The following SAMD3 variants were observed in gnomAD, a reference collection of about 807,000 sequenced individuals.
SAMD3 encodes the protein sterile alpha motif domain containing 3.
Under a neutral mutation model 58.5 loss-of-function variants are expected in SAMD3, and 63 were observed. That is an observed-to-expected ratio of 1.08 (90% CI 0.88 to 1.33). The LOEUF (loss-of-function observed/expected upper bound fraction) is 1.33, where lower values mean the gene tolerates loss of function less well. Among genes scored for constraint, SAMD3 ranks in the 40% most tolerant of loss-of-function variants. The pLI is 0.00. For missense variants in SAMD3, 604 were observed against 608.4 expected (o/e 0.99, Z 0.08); for synonymous variants, 220 against 210.3 (o/e 1.05, Z -0.40).
intron 2 of SAMD3, among the ~76,000 whole-genome samples, chr6:130,276,743 G>T (rs763620788): frequency 6.6e-6 from 1 of 152,002 alleles, no homozygotes; most frequent in Non-Finnish European, 1.5e-5. Flanking sequence ...ATTAATGCAG[G>T]GTTAGCCAAG....
rs1003507592 is a variant in SAMD3 at position 130,287,816 on chromosome 6, G to A, written c.-188+25162C>T. 2.4e-4 allele frequency among the ~76,000 whole-genome samples: 36 copies of A among 152,128 alleles called. 1 individual carries two copies. Among genetic ancestry groups the A allele is most frequent in the East Asian group, 1.7e-3 (9 of 5,172 alleles). On this transcript the variant is annotated intron_variant, in intron 2 of 13. Coordinates refer to the SAMD3 transcript ENST00000368134. The stretch of plus-strand genomic sequence containing the variant: ...AAAATTAGCACGGGCATGGTGTCAC[G>A]CACCTGTAGTCCCAGCTCCTCGGGA...
intron 2 of SAMD3, among the ~76,000 whole-genome samples, chr6:130,308,398 CT>C (rs1184541327): frequency 1.4e-5 from 2 of 145,538 alleles, no homozygotes; most frequent in African/African-American, 5.3e-5. Flanking sequence ...CTATTCTATT[CT>C]ATTCTATTCT....
intron 8 of SAMD3, among the ~76,000 whole-genome samples, chr6:130,169,203 T>C (rs1451295144): frequency 6.6e-6 from 1 of 152,122 alleles, no homozygotes; most frequent in Admixed American, 6.5e-5. Context: ...AAAAATAAAA[T>C]TATATGAGAT....
intron 1 of SAMD3, among the ~76,000 whole-genome samples, chr6:130,351,828 G>C (rs541450356): frequency 0.015 from 2,231 of 152,186 alleles, 56 homozygotes; most frequent in African/African-American, 0.051. Context: ...GTCCATCAAT[G>C]ATAGACTGGA....
At chr6:130,350,652 G>A (rs1024888075) in intron 1 of SAMD3, among the ~76,000 whole-genome samples, 1 of 152,146 alleles carries the variant, frequency 6.6e-6, no homozygotes, top group African/African-American at 2.4e-5. Flanking sequence ...ACTGCCCAAG[G>A]TAATTTATAG....
At chr6:130,290,528 A>T (rs1315198878) in intron 2 of SAMD3, among the ~76,000 whole-genome samples, 2 of 152,250 alleles carry the variant, frequency 1.3e-5, no homozygotes, top group Non-Finnish European at 2.9e-5. Flanking sequence ...ATACTAAACA[A>T]CTGGGGTACA....
rs970637772 is a variant in SAMD3, at chr6:130,152,160, A to G, written c.1023+2665T>C. On this transcript the variant is annotated intron_variant, in intron 9 of 11. Transcript: ENST00000439090. ...CCCTGTCTCCACCAGCTCCCTAAGC[A>G]CTCAGTGTTTTCACAATGGCAGGAG... Among the ~76,000 whole-genome samples, 4 of 151,968 alleles carry G rather than the reference A, an allele frequency of 2.6e-5. No homozygotes were observed. In the East Asian group the frequency reaches 7.7e-4, roughly 29 times the overall value.
At chr6:130,166,467 G>C (rs1171068631) in intron 8 of SAMD3, among the ~76,000 whole-genome samples, 1 of 152,176 alleles carries the variant, frequency 6.6e-6, no homozygotes, top group Non-Finnish European at 1.5e-5. Context: ...TTCTTCATGG[G>C]TTTATGGTGC....
intron 1 of SAMD3, among the ~76,000 whole-genome samples, chr6:130,351,993 C>T (rs1426260985): frequency 1.4e-5 from 2 of 141,216 alleles, no homozygotes; most frequent in African/African-American, 2.6e-5. Context: ...TTTTCTCACT[C>T]GTAGGTGGGA....
In SAMD3 at chr6:130,145,398, AAACATGTGGCTGTC is replaced by A; in HGVS notation, c.1206_1219del (p.Met402IlefsTer10). ...ATCCCCAAAAACATCTGGGAGGAGT[AAACATGTGGCTGTC>A]ATCTTCATGTCTGTCAAAGCAAATA... On this transcript the variant is annotated frameshift_variant, in exon 11 of 12. Coordinates refer to ENST00000439090, the MANE Select transcript of SAMD3 (RefSeq NM_001017373.4). LOFTEE classifies it high-confidence loss of function. 6.2e-7 allele frequency: 1 copy of A among 1,611,594 alleles called. No homozygotes were observed.
At chr6:130,256,474 A>T (rs755449881) in intron 2 of SAMD3, among the ~76,000 whole-genome samples, 1 of 152,126 alleles carries the variant, frequency 6.6e-6, no homozygotes, top group Non-Finnish European at 1.5e-5. Flanking sequence ...ATTCATAACC[A>T]TTATCATTCT....
At chr6:130,183,154 T>G (rs1582827922) in intron 7 of SAMD3, 1 of 331,726 alleles carries the variant, frequency 3.0e-6, no homozygotes, top group Non-Finnish European at 5.9e-6. Flanking sequence ...TCAGCCGTGG[T>G]TGTACATTAG....
intron 9 of SAMD3, among the ~76,000 whole-genome samples, chr6:130,148,831 AC>A (rs1227851645): frequency 7.2e-6 from 1 of 138,158 alleles, no homozygotes; most frequent in African/African-American, 2.7e-5. Context: ...CATGATCATG[AC>A]ACTCCAGCCT....
At chr6:130,246,347 T>C (rs1050114436) in intron 2 of SAMD3, among the ~76,000 whole-genome samples, 2 of 152,060 alleles carry the variant, frequency 1.3e-5, no homozygotes, top group African/African-American at 4.8e-5. Context: ...AGGAACACAA[T>C]AGTATATCAA....
In SAMD3 at chr6:130,332,880, C is replaced by T. The variant is rs562946091; in HGVS notation, c.-303-19787G>A. ...ACATCTTTATGTACTGGAGGAGATA[C>T]GATCCAGACCTGTGGAGGAACTGCT... On this transcript the variant is annotated intron_variant, in intron 1 of 13. Coordinates refer to the SAMD3 transcript ENST00000368134. 1.0e-3 allele frequency among the ~76,000 whole-genome samples: 155 copies of T among 152,086 alleles called. 1 individual carries two copies. Among genetic ancestry groups the T allele is most frequent in the African/African-American group, 3.4e-3 (143 of 41,476 alleles).
At chr6:130,146,242 T>A in intron 9 of SAMD3, 61 bp from the exon 10 acceptor site, 1 of 1,059,388 alleles carries the variant, frequency 9.4e-7, no homozygotes, top group Non-Finnish European at 1.3e-6. Flanking sequence ...ATATAGAATG[T>A]AAAGACATAA....
At chr6:130,342,763 G>C (rs1357750299) in intron 1 of SAMD3, among the ~76,000 whole-genome samples, 4 of 152,152 alleles carry the variant, frequency 2.6e-5, no homozygotes, top group Non-Finnish European at 5.9e-5. Flanking sequence ...GATTTTAACT[G>C]TTCTTGACCT....
At chr6:130,225,539 T>C (rs1796363361), upstream of SAMD3, among the ~76,000 whole-genome samples, 1 of 152,190 alleles carries the variant, frequency 6.6e-6, no homozygotes. Flanking sequence ...ATATTAGAAA[T>C]AAAGACTGTA....
chr6:130,347,129 A>C (rs1008727440), intron 1 of SAMD3, among the ~76,000 whole-genome samples: 1 of 152,208 alleles, frequency 6.6e-6, no homozygotes, highest in Non-Finnish European at 1.5e-5. Context: ...AAAGATGGGG[A>C]AAAAACAGAG....
Sources: allele counts gnomAD v4.1 joint callset (sites outside exome capture counted in the v4.1 genomes callset), GRCh38; gene constraint gnomAD v4.1.1; transcripts MANE v1.5; gene names NCBI Gene and HGNC (gene_info 2026-07-23, HGNC 2026-07-21).